OTUD4: variants seen among roughly 807,000 people sequenced by gnomAD.
OTUD4 encodes the protein OTU deubiquitinase 4.
In OTUD4, 24 loss-of-function variants were observed where a neutral mutation model predicts 130.4. The ratio of observed to expected loss-of-function variants is 0.18; its 90% CI spans 0.13 to 0.26. OTUD4 has a LOEUF of 0.26. Ranked by LOEUF, OTUD4 falls within the 10% of genes least tolerant of loss-of-function variation. The pLI is 1.00. For missense variants in OTUD4, 1,031 were observed against 1,329.4 expected (o/e 0.78, Z 3.49); for synonymous variants, 420 against 472.5 (o/e 0.89, Z 1.44).
At chr4:145,152,741 G>C in intron 10 of OTUD4, 106 bp from the exon 11 acceptor site, 2 of 645,086 alleles carry the variant, frequency 3.1e-6, no homozygotes, top group Non-Finnish European at 2.7e-6. Flanking sequence ...TCTTGAGACA[G>C]GGTCTCACTC....
intron 14 of OTUD4, among the ~76,000 whole-genome samples, chr4:145,145,039 T>A (rs566368657): frequency 1.3e-5 from 2 of 152,250 alleles, no homozygotes; most frequent in South Asian, 4.1e-4. Context: ...AACAGTTTTC[T>A]AGAAAACAAA....
At chr4:145,179,391 A>C (rs1156808984) in intron 1 of OTUD4, among the ~76,000 whole-genome samples, 2 of 152,220 alleles carry the variant, frequency 1.3e-5, no homozygotes, top group Non-Finnish European at 2.9e-5. Flanking sequence ...TTCCACAAGT[A>C]AAGTTTGATC....
rs1751794688 is a variant in OTUD4 at position 145,165,328 on chromosome 4, A to C, written c.295-131T>G. The C allele has an allele frequency of 5.5e-6, 3 of 547,664 alleles. No homozygotes were observed. The South Asian group carries it at 1.0e-4, about 18-fold the overall frequency. 33.9% of individuals were successfully genotyped at this position (547,664 alleles called of 1,614,324 possible). ...GCTCATTATTATTAGTAGTATTGTG[A>C]ATATTATAAAAACGTTTATATAAAA... On this transcript the variant is annotated intron_variant, in intron 3 of 20. Coordinates refer to ENST00000447906, the MANE Select transcript of OTUD4 (RefSeq NM_001366057.1).
In OTUD4 at chr4:145,150,599, C is replaced by T. The variant is rs1291877012; in HGVS notation, c.1173G>A (p.Ala391=). The change falls in exon 13 of 21, where the codon GCG becomes GCA. Residue 391 remains alanine, a synonymous_variant. Transcript: ENST00000447906. ...LQHPSGVRQH[A]FSSHSSGSQS... ...GTGACCCTGAAGAATGACTAGAGAACGCATGTTGTCTTACTCCTGAAGGAT... is the reference window on the plus strand; with the variant it reads ...GTGACCCTGAAGAATGACTAGAGAATGCATGTTGTCTTACTCCTGAAGGAT... 12 of 1,613,438 alleles carry T rather than the reference C, an allele frequency of 7.4e-6. No individual in the cohort carries two copies. The highest frequency in any genetic ancestry group is 1.7e-5 in the Admixed American group (1 of 60,002).
chr4:145,141,298 C>A, intron 19 of OTUD4, 81 bp downstream of exon 19: 1 of 1,227,522 alleles, frequency 8.1e-7, no homozygotes, highest in Non-Finnish European at 1.1e-6. Flanking sequence ...AGACCTCTGA[C>A]CTCTACTTAC....
chr4:145,163,372 G>C (rs948652087), intron 5 of OTUD4, among the ~76,000 whole-genome samples: 1 of 152,140 alleles, frequency 6.6e-6, no homozygotes, highest in African/African-American at 2.4e-5. Context: ...TAAGTCAGTT[G>C]ATCTTTCTTT....
At chr4:145,156,994 GGT>G (rs1378189874) in intron 7 of OTUD4, among the ~76,000 whole-genome samples, 1 of 152,066 alleles carries the variant, frequency 6.6e-6, no homozygotes, top group Non-Finnish European at 1.5e-5. Context: ...CAGGGCCCGT[GGT>G]AGGACTTGAA....
At chr4:145,179,556 ACAAGTTGTCCT>A (rs1192348032) in intron 1 of OTUD4, 30 of 1,267,614 alleles carry the variant, frequency 2.4e-5, no homozygotes, top group Non-Finnish European at 2.9e-5. Context: ...AGCAGGCCTC[ACAAGTTGTCCT>A]CAACTCATTA....
chr4:145,156,894 G>C (rs1333544805), intron 7 of OTUD4, among the ~76,000 whole-genome samples: 1 of 152,056 alleles, frequency 6.6e-6, no homozygotes, highest in Non-Finnish European at 1.5e-5. Flanking sequence ...CAGGTTTTTT[G>C]TTTCAACCAA....
chr4:145,174,726 G>A lies in OTUD4; in HGVS notation c.178C>T (p.Arg60Cys). 1.9e-6 allele frequency: 3 copies of A among 1,604,782 alleles called. No individual in the cohort carries two copies. The highest frequency in any genetic ancestry group is 2.6e-6 in the Non-Finnish European group (3 of 1,171,666). ...VAEQVLHSQS[R>C]HVEVRMACIH... ...CAGGCCATTCTGACTTCAACATGGCGAGACTGAGAGTGCAATACCTAAAAA... is the reference window on the plus strand; with the variant it reads ...CAGGCCATTCTGACTTCAACATGGCAAGACTGAGAGTGCAATACCTAAAAA... The change falls in exon 2 of 21, where the codon CGC becomes TGC. Residue 60 changes from arginine to cysteine, a missense_variant. Physicochemically the swap from Arg to Cys is radical, Grantham distance 180 (BLOSUM62 -3). Transcript: ENST00000447906.
At chr4:145,144,687 T>A (rs1430990762) in intron 14 of OTUD4, among the ~76,000 whole-genome samples, 1 of 152,160 alleles carries the variant, frequency 6.6e-6, no homozygotes, top group Non-Finnish European at 1.5e-5. Context: ...TTAATCTTCA[T>A]ATCCCTATTT....
At chr4:145,179,565 C>G in intron 1 of OTUD4, 1 of 1,317,994 alleles carries the variant, frequency 7.6e-7, no homozygotes, top group Non-Finnish European at 9.7e-7. Flanking sequence ...CACAAGTTGT[C>G]CTCAACTCAT....
chr4:145,168,838 A>T (rs988323106), intron 3 of OTUD4, among the ~76,000 whole-genome samples: 1 of 152,252 alleles, frequency 6.6e-6, no homozygotes, highest in Non-Finnish European at 1.5e-5. Context: ...CTACACAAAG[A>T]TTTATAAGCA....
rs539294622 is a variant in OTUD4 at position 145,133,792 on chromosome 4, CAG to C, written c.*3636_*3637del. 3.1e-4 allele frequency: 48 copies of C among 152,582 alleles called. No individual in the cohort carries two copies. Among genetic ancestry groups the C allele is most frequent in the African/African-American group, 9.9e-4 (41 of 41,528 alleles). 9.5% of individuals were successfully genotyped at this position (152,582 alleles called of 1,614,324 possible). On this transcript the variant is annotated 3_prime_UTR_variant, in exon 21 of 21. Transcript: ENST00000447906. ...ACAAAACAGAACATAGAAAAATAAA[CAG>C]GAATATATTCAACACTTACAAAAAG...
At chr4:145,151,805 C>G (rs1751081470) in intron 11 of OTUD4, among the ~76,000 whole-genome samples, 1 of 152,118 alleles carries the variant, frequency 6.6e-6, no homozygotes, top group Admixed American at 6.5e-5. Context: ...ACCTTTTTCT[C>G]TAATAAAGCC....
intron 3 of OTUD4, among the ~76,000 whole-genome samples, chr4:145,165,756 G>T (rs896661514): frequency 6.6e-6 from 1 of 152,102 alleles, no homozygotes; most frequent in Non-Finnish European, 1.5e-5. Flanking sequence ...GATTACAAGC[G>T]TGAGCCACTG....
In OTUD4 at chr4:145,135,057, T is replaced by A; in HGVS notation, c.*2373A>T. 2 of 391,808 alleles carry A rather than the reference T, an allele frequency of 5.1e-6. No individual in the cohort carries two copies. Among genetic ancestry groups the A allele is most frequent in the Non-Finnish European group, 9.0e-6 (2 of 222,498 alleles). The allele number at this position is 391,808 out of a possible 1,614,324, so 24.3% of individuals were successfully genotyped here. On this transcript the variant is annotated 3_prime_UTR_variant, in exon 21 of 21. Coordinates refer to ENST00000447906, the MANE Select transcript of OTUD4 (RefSeq NM_001366057.1). The stretch of plus-strand genomic sequence containing the variant: ...GACCTCAGCATAAGGCAAAATCCCC[T>A]GGACTAATACATTTAAAAACAAACT...
chr4:145,165,306 C>A (rs2126791100), intron 3 of OTUD4, 109 bp from the exon 4 acceptor site: 1 of 626,708 alleles, frequency 1.6e-6, no homozygotes, highest in South Asian at 2.4e-5. Flanking sequence ...TCTTAAAGCT[C>A]ATTATTATTA....
intron 3 of OTUD4, among the ~76,000 whole-genome samples, chr4:145,169,136 G>A (rs984886725): frequency 2.0e-5 from 3 of 152,136 alleles, no homozygotes; most frequent in African/African-American, 7.2e-5. Context: ...GGGGATAGGC[G>A]GAAGAGGATT....
Sources: allele counts gnomAD v4.1 joint callset (sites outside exome capture counted in the v4.1 genomes callset), GRCh38; gene constraint gnomAD v4.1.1; transcripts MANE v1.5; gene names NCBI Gene and HGNC (gene_info 2026-07-23, HGNC 2026-07-21).